GINS1: variants seen among roughly 807,000 people sequenced by gnomAD.
GINS1 encodes the protein GINS complex subunit 1.
In GINS1, 26 loss-of-function variants were observed where a neutral mutation model predicts 34.9. The observed-to-expected ratio is 0.74, with a 90% CI of 0.55 to 1.03. The LOEUF is 1.03. Ranked by LOEUF, GINS1 falls within the 50% of genes least tolerant of loss-of-function variation. The probability of loss-of-function intolerance (pLI) is 0.00; values close to 1 mark genes in which losing one functional copy is unlikely to be tolerated. For synonymous variants in GINS1, 97 were observed against 84.4 expected (o/e 1.15, Z -0.82); for missense variants, 235 against 237.9 (o/e 0.99, Z 0.08).
chr20:25,434,901 T>A (rs1476348608), intron 5 of GINS1, among the ~76,000 whole-genome samples: 2 of 152,222 alleles, frequency 1.3e-5, no homozygotes, highest in African/African-American at 4.8e-5. Context: ...TAGCAGAAGG[T>A]GGAAGGACAA....
intron 3 of GINS1, 189 bp downstream of exon 3, chr20:25,417,391 TAATAC>T: frequency 3.5e-6 from 2 of 568,516 alleles, no homozygotes; most frequent in Admixed American, 7.2e-5. Flanking sequence ...GTAGGGAGAA[TAATAC>T]TATAATGAAC....
At chr20:25,417,293 C>T (rs2146195263) in intron 3 of GINS1, 91 bp downstream of exon 3, 1 of 698,442 alleles carries the variant, frequency 1.4e-6, no homozygotes, top group Non-Finnish European at 2.6e-6. Context: ...AATCTTAGAT[C>T]TCTCTCTCTT....
Position 25,419,601 on chromosome 20 carries a change from A to G in GINS1, c.330+1406A>G, listed in dbSNP as rs2500409. On this transcript the variant is annotated intron_variant, in intron 4 of 6. Coordinates refer to ENST00000262460, the MANE Select transcript of GINS1 (RefSeq NM_021067.5). ...TGTGTATTATGGTGAGATGAACAGA[A>G]CATTATGTTTCTCTAACGACAGTAG... The G allele has an allele frequency of 7.5e-3, 5,907 of 784,878 alleles. 238 individuals are homozygous for G. In the African/African-American group the frequency reaches 0.088, roughly 12 times the overall value. The allele number at this position is 784,878 out of a possible 1,614,324, so 48.6% of individuals were successfully genotyped here.
chr20:25,407,861 ATCG>A lies in GINS1; in HGVS notation c.42_44del (p.Arg15del), dbSNP rs2090256145. On this transcript the variant is annotated inframe_deletion, in exon 1 of 7. Coordinates refer to ENST00000262460, the MANE Select transcript of GINS1 (RefSeq NM_021067.5). ...GCCATGGAACTGATCCGCGAGCTGC[ATCG>A]CGCGCCCGAAGGGCAACTGCCTGCC... is the stretch of plus-strand genomic sequence containing the variant. 1.2e-6 allele frequency: 2 copies of A among 1,613,884 alleles called. No individual in the cohort carries two copies. Among genetic ancestry groups the A allele is most frequent in the Non-Finnish European group, 1.7e-6 (2 of 1,179,970 alleles).
At chr20:25,421,598 A>C (rs2090355788) in intron 4 of GINS1, among the ~76,000 whole-genome samples, 1 of 152,146 alleles carries the variant, frequency 6.6e-6, no homozygotes, top group African/African-American at 2.4e-5. Context: ...TGATTTCCTA[A>C]GTTTCTGTTT....
At chr20:25,426,894 T>G (rs1023289092) in intron 5 of GINS1, among the ~76,000 whole-genome samples, 1 of 152,168 alleles carries the variant, frequency 6.6e-6, no homozygotes, top group African/African-American at 2.4e-5. Context: ...TGCTTATCCA[T>G]TTATCCATCT....
At chr20:25,438,620 G>C (rs917235273) in intron 5 of GINS1, among the ~76,000 whole-genome samples, 41 of 146,094 alleles carry the variant, frequency 2.8e-4, no homozygotes, top group African/African-American at 1.0e-3. Context: ...CCTGGAATCA[G>C]CTATTTTAGT....
chr20:25,440,124 C>T lies in GINS1; in HGVS notation c.448-1578C>T, dbSNP rs187924179. On this transcript the variant is annotated intron_variant, in intron 5 of 6. Transcript: ENST00000262460. ...TCTCGCTCACTGCAACCTCAGCCTC[C>T]TGAGTAGCTGGGATTACAGGCACGC... Among the ~76,000 whole-genome samples, 14 of 152,016 alleles carry T rather than the reference C, an allele frequency of 9.2e-5. No homozygotes were observed. The East Asian group carries it at 2.7e-3, about 30-fold the overall frequency.
chr20:25,413,815 A>G lies in GINS1; in HGVS notation c.101A>G (p.Glu34Gly). ...GAGGATGGACTCAGACAAGTTCTGG[A>G]GGAGATGAAAGCTTTGTATGAACAA... ...FNEDGLRQVL[E>G]EMKALYEQNQ... The change falls in exon 2 of 7, where the codon GAG (glutamate) becomes GGG (glycine). Residue 34 changes from glutamate (E) to glycine (G), a missense_variant. Transcript: ENST00000262460. The G allele has an allele frequency of 1.3e-6, 2 of 1,585,376 alleles. No homozygotes were observed. The highest frequency in any genetic ancestry group is 1.7e-6 in the Non-Finnish European group (2 of 1,153,758).
chr20:25,433,239 TC>T (rs2090436966), intron 5 of GINS1, among the ~76,000 whole-genome samples: 1 of 152,188 alleles, frequency 6.6e-6, no homozygotes, highest in African/African-American at 2.4e-5. Flanking sequence ...ACTTTTTTTT[TC>T]TTGCAATGGA....
At chr20:25,425,757 A>G (rs2090387213) in intron 5 of GINS1, among the ~76,000 whole-genome samples, 1 of 152,180 alleles carries the variant, frequency 6.6e-6, no homozygotes, top group Non-Finnish European at 1.5e-5. Flanking sequence ...AAAAAAGCAA[A>G]TGTCTTTCAA....
chr20:25,443,251 G>A (rs1366503915), intron 6 of GINS1: 1 of 152,054 alleles, frequency 6.6e-6, no homozygotes, highest in Non-Finnish European at 1.5e-5. Flanking sequence ...GATTTTGAGG[G>A]TTCCCTAAAG....
rs372460196 is a variant in GINS1 at position 25,441,787 on chromosome 20, T to C, written c.522+11T>C. On this transcript the variant is annotated intron_variant, in intron 6 of 6. Transcript: ENST00000262460. ...AAAAAAAATAGCCAGGTATTTCTTA[T>C]CTTCAGATTCTTTACTTTAAATCTT... 2.1e-5 allele frequency: 28 copies of C among 1,311,766 alleles called. No homozygotes were observed. The highest frequency in any genetic ancestry group is 1.9e-4 in the Middle Eastern group (1 of 5,344). The allele number at this position is 1,311,766 out of a possible 1,614,324, so 81.3% of individuals were successfully genotyped here. A position where few individuals can be genotyped will look rare whatever the true frequency, so the allele number is the denominator to read the frequency against.
At chr20:25,436,195 C>G (rs1332272157) in intron 5 of GINS1, among the ~76,000 whole-genome samples, 1 of 152,030 alleles carries the variant, frequency 6.6e-6, no homozygotes, top group East Asian at 1.9e-4. Context: ...TCAAGTGATG[C>G]TCCCACCTTG....
At chr20:25,420,914 G>A in intron 4 of GINS1, 1 of 982,072 alleles carries the variant, frequency 1.0e-6, no homozygotes, top group Non-Finnish European at 1.2e-6. Context: ...GTAGACCACA[G>A]ACATCTCTGC....
intron 3 of GINS1, 26 bp downstream of exon 3, chr20:25,417,228 G>T (rs2146195160): frequency 1.7e-6 from 2 of 1,153,812 alleles, no homozygotes; most frequent in South Asian, 2.5e-5. Context: ...TTTGCTTGGG[G>T]TGGCAGGATT....
chr20:25,439,925 G>T (rs1251434664), intron 5 of GINS1, among the ~76,000 whole-genome samples: 1 of 151,120 alleles, frequency 6.6e-6, no homozygotes, highest in East Asian at 2.0e-4. Flanking sequence ...AACCTGGGAA[G>T]CGGAGGTTCC....
At chr20:25,427,370 GT>G (rs1193461840) in intron 5 of GINS1, among the ~76,000 whole-genome samples, 2 of 151,976 alleles carry the variant, frequency 1.3e-5, no homozygotes, top group Non-Finnish European at 2.9e-5. Context: ...GCTAATTTTT[GT>G]ATTTTTAGTA....
chr20:25,436,595 A>G (rs1238597158), intron 5 of GINS1, among the ~76,000 whole-genome samples: 6 of 152,040 alleles, frequency 3.9e-5, no homozygotes, highest in African/African-American at 1.4e-4. Flanking sequence ...TGAATCCCTC[A>G]AGTGAATTTT....
Sources: allele counts gnomAD v4.1 joint callset (sites outside exome capture counted in the v4.1 genomes callset), GRCh38; gene constraint gnomAD v4.1.1; transcripts MANE v1.5; gene names NCBI Gene and HGNC (gene_info 2026-07-23, HGNC 2026-07-21).